C18orf63: variants seen among roughly 807,000 people sequenced by gnomAD.
C18orf63 encodes the protein chromosome 18 open reading frame 63.
C18orf63 carries 50 observed loss-of-function variants against 75.3 expected under a neutral mutation model. The observed-to-expected ratio is 0.66, with a 90% CI of 0.53 to 0.84. The LOEUF (loss-of-function observed/expected upper bound fraction) is 0.84, where lower values mean the gene tolerates loss of function less well. Among genes scored for constraint, C18orf63 ranks in the 40% least tolerant of loss-of-function variants. The pLI is 0.00. For synonymous variants in C18orf63, 232 were observed against 267.6 expected, an observed-to-expected ratio of 0.87 and a Z score of 1.30; for missense variants, 732 against 800.2, an observed-to-expected ratio of 0.91 and a Z score of 1.03.
intron 7 of C18orf63, among the ~76,000 whole-genome samples, chr18:74,336,882 C>T (rs1404193652): frequency 6.6e-6 from 1 of 152,056 alleles, no homozygotes; most frequent in South Asian, 2.1e-4. Flanking sequence ...CTTTCTCTTT[C>T]CAGTTAGTCT....
Position 74,354,044 on chromosome 18 carries a change from C to T in C18orf63, c.1777C>T (p.Gln593Ter), listed in dbSNP as rs1190680287. 2.6e-6 allele frequency: 4 copies of T among 1,536,176 alleles called. No individual in the cohort carries two copies. Among genetic ancestry groups the T allele is most frequent in the Non-Finnish European group, 3.5e-6 (4 of 1,146,914 alleles). ...CCATGGGTCACTAAAACTGAAAAGACAGCCACACATTTTTGAATCAGATGG... is the reference window on the plus strand; with the variant it reads ...CCATGGGTCACTAAAACTGAAAAGATAGCCACACATTTTTGAATCAGATGG... Reference protein sequence around the residue: ...KSHGSLKLKRQPHIFESDGET... With the variant: ...KSHGSLKLKR Residue 593 changes from glutamine (Q) to a stop codon, truncating the protein, a stop_gained, in exon 12 of 14, where the codon CAG becomes TAG. Coordinates refer to ENST00000579455, the MANE Select transcript of C18orf63 (RefSeq NM_001174123.2). LOFTEE classifies it high-confidence loss of function.
At chr18:74,333,465 G>A (rs1984342226) in intron 7 of C18orf63, among the ~76,000 whole-genome samples, 1 of 152,180 alleles carries the variant, frequency 6.6e-6, no homozygotes, top group African/African-American at 2.4e-5. Context: ...CCTCATGACT[G>A]GGAAGGCCTT....
At chr18:74,336,435 T>A (rs1009582126) in intron 7 of C18orf63, among the ~76,000 whole-genome samples, 1 of 152,162 alleles carries the variant, frequency 6.6e-6, no homozygotes, top group African/African-American at 2.4e-5. Flanking sequence ...GAAACACTTA[T>A]AATATTTTTC....
intron 8 of C18orf63, among the ~76,000 whole-genome samples, chr18:74,340,725 A>T (rs1283007075): frequency 6.6e-6 from 1 of 151,816 alleles, no homozygotes. Context: ...TCTAAGGAAT[A>T]TTATGTTAAA....
intron 8 of C18orf63, among the ~76,000 whole-genome samples, chr18:74,341,619 A>G (rs1379768683): frequency 2.0e-5 from 3 of 151,748 alleles, no homozygotes; most frequent in Non-Finnish European, 2.9e-5. Flanking sequence ...CCCGGGAAGC[A>G]GAGGTTGCCA....
chr18:74,317,088 C>T (rs897580962), intron 1 of C18orf63, among the ~76,000 whole-genome samples: 1 of 152,140 alleles, frequency 6.6e-6, no homozygotes, highest in Non-Finnish European at 1.5e-5. Context: ...TGCACATTCC[C>T]GGGCCAGTAT....
intron 11 of C18orf63, among the ~76,000 whole-genome samples, chr18:74,350,422 G>A (rs558237450): frequency 6.6e-6 from 1 of 152,212 alleles, no homozygotes; most frequent in South Asian, 2.1e-4. Flanking sequence ...AGTAGGGTGG[G>A]CCCTTAATCC....
chr18:74,353,080 C>T (rs1984694820), intron 11 of C18orf63, among the ~76,000 whole-genome samples, 166 bp from the exon 12 acceptor site: 1 of 152,156 alleles, frequency 6.6e-6, no homozygotes, highest in East Asian at 1.9e-4. Flanking sequence ...AAGAAATGTA[C>T]TCATTTCCAC....
At chr18:74,352,278 A>T (rs186504673) in intron 11 of C18orf63, among the ~76,000 whole-genome samples, 10 of 152,366 alleles carry the variant, frequency 6.6e-5, no homozygotes, top group Admixed American at 6.5e-4. Flanking sequence ...TACAGAGTAC[A>T]AAGTTTCTGT....
rs79227042 is a variant in C18orf63 at position 74,353,660 on chromosome 18, C to T, written c.1393C>T (p.Gln465Ter). 122 of 1,536,034 alleles carry T rather than the reference C, an allele frequency of 7.9e-5. 1 individual carries two copies. The East Asian group carries it at 1.5e-3, about 19-fold the overall frequency. ...SPKRKQHDVT[Q>*]SKLFSLKTSM... ...AAAAAGAAAACAGCATGATGTGACA[C>T]AATCTAAATTGTTTTCACTCAAAAC... The change falls in exon 12 of 14, where the codon CAA becomes TAA. Residue 465 changes from glutamine to a stop codon, truncating the protein, a stop_gained. Transcript: ENST00000579455. LOFTEE classifies it high-confidence loss of function.
At chr18:74,352,168 C>G (rs541949301) in intron 11 of C18orf63, among the ~76,000 whole-genome samples, 18 of 151,974 alleles carry the variant, frequency 1.2e-4, no homozygotes, top group Non-Finnish European at 2.5e-4. Flanking sequence ...TTGTATGATT[C>G]CACTTACATG....
chr18:74,338,676 A>G (rs1188875577), intron 7 of C18orf63, 39 bp from the exon 8 acceptor site: 3 of 878,822 alleles, frequency 3.4e-6, no homozygotes, highest in African/African-American at 3.5e-5. Context: ...TTTTTTGCCA[A>G]ATGATTTGAG....
rs530633732 is a variant in C18orf63 at position 74,327,554 on chromosome 18, C to A, written c.271-393C>A. 5.3e-5 allele frequency among the ~76,000 whole-genome samples: 8 copies of A among 152,206 alleles called. No homozygotes were observed. The South Asian group carries it at 1.5e-3, about 28-fold the overall frequency. On this transcript the variant is annotated intron_variant, in intron 4 of 13. Coordinates refer to ENST00000579455, the MANE Select transcript of C18orf63 (RefSeq NM_001174123.2). ...TTATTGGGCTGCAAGAAATAGCAGCCCAACGTTCAGTTTGGTCCAGGAACA... is the reference window on the plus strand; with the variant it reads ...TTATTGGGCTGCAAGAAATAGCAGCACAACGTTCAGTTTGGTCCAGGAACA...
In C18orf63 at chr18:74,353,995, T is replaced by C; in HGVS notation, c.1728T>C (p.Gly576=). The change falls in exon 12 of 14, where the codon GGT becomes GGC. Residue 576 remains glycine (G), a synonymous_variant. Coordinates refer to ENST00000579455, the MANE Select transcript of C18orf63 (RefSeq NM_001174123.2). ...MKGKENLTGK[G]ITQILGKSHG... is the part of the protein sequence containing the mutation. ...GAAAAGAAAATTTAACAGGCAAAGG[T>C]ATAACACAAATTTTAGGGAAAAGCC... The C allele has an allele frequency of 6.5e-7, 1 of 1,536,330 alleles. No individual in the cohort carries two copies.
At chr18:74,337,399 C>G (rs1036901453) in intron 7 of C18orf63, among the ~76,000 whole-genome samples, 4 of 152,046 alleles carry the variant, frequency 2.6e-5, no homozygotes, top group Admixed American at 1.3e-4. Context: ...ACTTGAGTCT[C>G]TGAATACTGT....
In C18orf63 at chr18:74,353,640, G is replaced by T. The variant is rs1166846254; in HGVS notation, c.1373G>T (p.Arg458Ile). The part of the protein sequence containing the change: ...KNTSVLGSPK[R>I]KQHDVTQSKL... ...ACCTCAGTACTTGGCAGCCCAAAAA[G>T]AAAACAGCATGATGTGACACAATCT... is the stretch of plus-strand genomic sequence containing the variant. The change falls in exon 12 of 14, where the codon AGA (arginine) becomes ATA (isoleucine). Residue 458 changes from arginine to isoleucine, a missense_variant. This residue lies in a region of C18orf63 where 495 missense variants were observed against 508.7 expected (regional missense o/e 0.97). Transcript: ENST00000579455. 3 of 1,535,966 alleles carry T rather than the reference G, an allele frequency of 2.0e-6. No individual in the cohort carries two copies. Among genetic ancestry groups the T allele is most frequent in the East Asian group, 2.4e-5 (1 of 40,922 alleles).
In C18orf63 at chr18:74,318,041, A is replaced by C. The variant is rs1599283769; in HGVS notation, c.134+42A>C. 3.8e-6 allele frequency: 5 copies of C among 1,325,452 alleles called. No homozygotes were observed. The African/African-American group carries it at 7.4e-5, about 20-fold the overall frequency. 82.1% of individuals were successfully genotyped at this position (1,325,452 alleles called of 1,614,324 possible). ...TATAACTAAGACTTTTAAAACTTTG[A>C]GACCTATAAAAGCTGTTTTAGAGGA... On this transcript the variant is annotated intron_variant, in intron 2 of 13. Transcript: ENST00000579455.
At position 74,343,487 on chromosome 18, in the gene C18orf63, A is replaced by G. The variant is rs754680543; in HGVS notation, c.795-32A>G. On this transcript the variant is annotated intron_variant, in intron 10 of 13. Coordinates refer to ENST00000579455, the MANE Select transcript of C18orf63 (RefSeq NM_001174123.2). Reference sequence around the variant, plus strand: ...TATAAATTTCTGCCTCTTATGTAATAAAATCAGACATTGTTCTTTAACATT... The same window carrying G: ...TATAAATTTCTGCCTCTTATGTAATGAAATCAGACATTGTTCTTTAACATT... 891 of 1,417,270 alleles carry G rather than the reference A, an allele frequency of 6.3e-4. 1 individual carries two copies. The highest frequency in any genetic ancestry group is 7.8e-4 in the Non-Finnish European group (837 of 1,074,268). 87.8% of individuals were successfully genotyped at this position (1,417,270 alleles called of 1,614,324 possible). A position where few individuals can be genotyped will look rare whatever the true frequency, so the allele number is the denominator to read the frequency against.
At chr18:74,319,171 A>G (rs115819659) in intron 2 of C18orf63, among the ~76,000 whole-genome samples, 1,871 of 152,288 alleles carry the variant, frequency 0.012, 27 homozygotes, top group African/African-American at 0.041. Context: ...GAAAACCTAA[A>G]GTGAGGTTTT....
Sources: gnomAD v4.1 joint callset for allele counts (sites outside exome capture counted in the v4.1 genomes callset) on GRCh38, gnomAD v4.1.1 for gene constraint, gnomAD v4.1.1 regional missense constraint, MANE v1.5 for transcripts, NCBI Gene and HGNC (gene_info 2026-07-23, HGNC 2026-07-21) for gene names.